KIAA0513: variants seen among roughly 807,000 people sequenced by gnomAD.
KIAA0513 encodes the protein KIAA0513.
In KIAA0513, 39 loss-of-function variants were observed where a neutral mutation model predicts 56.5. That is an observed-to-expected ratio of 0.69 (90% confidence interval 0.53 to 0.90). The LOEUF is 0.90. Ranked by LOEUF, KIAA0513 falls within the 40% of genes least tolerant of loss-of-function variation. The pLI is 0.00. For synonymous variants in KIAA0513, 268 were observed against 215.6 expected, an observed-to-expected ratio of 1.24 and a Z score of -2.13; for missense variants, 591 against 535.2, an observed-to-expected ratio of 1.10 and a Z score of -1.03.
chr16:85,034,424 G>T (rs946189997), intron 1 of KIAA0513, among the ~76,000 whole-genome samples: 2 of 152,132 alleles, frequency 1.3e-5, no homozygotes, highest in African/African-American at 4.8e-5. Flanking sequence ...CTGTACTCCT[G>T]CCAAGGAGTT....
chr16:85,046,719 G>A (rs146786470), intron 1 of KIAA0513, among the ~76,000 whole-genome samples: 20 of 152,270 alleles, frequency 1.3e-4, no homozygotes, highest in East Asian at 9.7e-4. Flanking sequence ...TCATTCTGCC[G>A]TTGAGCCTAT....
At chr16:85,029,233 AGAGATGAAGATG>A (rs1306809099) in intron 1 of KIAA0513, among the ~76,000 whole-genome samples, 1 of 152,200 alleles carries the variant, frequency 6.6e-6, no homozygotes, top group Non-Finnish European at 1.5e-5. Flanking sequence ...TTTCCATTAA[AGAGATGAAGATG>A]GCGTGGGACT....
chr16:85,046,816 G>A (rs1478390355), intron 1 of KIAA0513, among the ~76,000 whole-genome samples: 2 of 152,108 alleles, frequency 1.3e-5, no homozygotes, highest in Non-Finnish European at 2.9e-5. Context: ...TTTCTTTCCT[G>A]AGACTTCTCA....
chr16:85,040,277 GAGGCCAGGAGTGCCCC>G (rs984853627), intron 1 of KIAA0513, among the ~76,000 whole-genome samples: 5 of 152,228 alleles, frequency 3.3e-5, no homozygotes, highest in African/African-American at 1.2e-4. Context: ...CTAGCGAGTG[GAGGCCAGGAGTGCCCC>G]AAGCATCCTA....
chr16:85,044,035 G>GA (rs1301018996), intron 1 of KIAA0513, among the ~76,000 whole-genome samples: 3 of 151,656 alleles, frequency 2.0e-5, no homozygotes, highest in Non-Finnish European at 2.9e-5. Context: ...AGTCTCAAGA[G>GA]AAAAAAAAGA....
intron 1 of KIAA0513, among the ~76,000 whole-genome samples, chr16:85,032,660 T>G (rs149532284): frequency 1.3e-5 from 2 of 151,962 alleles, no homozygotes; most frequent in Non-Finnish European, 2.9e-5. Context: ...AGACAGAGTT[T>G]CAGTCTGTCG....
chr16:85,044,485 A>G (rs2073144478), intron 1 of KIAA0513, among the ~76,000 whole-genome samples: 1 of 151,686 alleles, frequency 6.6e-6, no homozygotes, highest in Admixed American at 6.6e-5. Flanking sequence ...ACCACCACAA[A>G]GTAATGCTCC....
At position 85,070,650 on chromosome 16, in the gene KIAA0513, C is replaced by T. The variant is rs190039130; in HGVS notation, c.330-1133C>T. Among the ~76,000 whole-genome samples, 22 of 152,340 alleles carry T rather than the reference C, an allele frequency of 1.4e-4. No homozygotes were observed. In the East Asian group the frequency reaches 4.2e-3, roughly 29 times the overall value. On this transcript the variant is annotated intron_variant, in intron 2 of 12. Coordinates refer to ENST00000683363, the MANE Select transcript of KIAA0513 (RefSeq NM_001388359.1). ...CTGAGATTGCGCCACTGCACTCCAG[C>T]CTGCGCAAGACAGAGCGAGACTCCG...
chr16:85,055,284 C>G (rs2073312814), intron 1 of KIAA0513, among the ~76,000 whole-genome samples: 1 of 152,084 alleles, frequency 6.6e-6, no homozygotes, highest in South Asian at 2.1e-4. Flanking sequence ...AGTGTCCACT[C>G]TTGTCTCTAG....
At chr16:85,078,514 C>T (rs1355019188) in intron 7 of KIAA0513, 59 bp downstream of exon 7, 2 of 1,534,754 alleles carry the variant, frequency 1.3e-6, no homozygotes, top group South Asian at 2.3e-5. Flanking sequence ...AGCCAGCACA[C>T]AAGCAGGTGC....
intron 1 of KIAA0513, among the ~76,000 whole-genome samples, chr16:85,046,659 G>A (rs2073175239): frequency 6.6e-6 from 1 of 152,244 alleles, no homozygotes; most frequent in South Asian, 2.1e-4. Context: ...CAGGAAGGGT[G>A]TGCAGCCCAG....
chr16:85,060,246 C>T lies in KIAA0513; in HGVS notation c.-172-6654C>T, dbSNP rs148367802. On this transcript the variant is annotated intron_variant, in intron 1 of 12. Coordinates refer to ENST00000683363, the MANE Select transcript of KIAA0513 (RefSeq NM_001388359.1). The stretch of plus-strand genomic sequence containing the variant: ...AAAGTGTTGGGATTACAGGCGTGAG[C>T]CACTGTGCCCGGCTTTCTTAGGTTG... Among the ~76,000 whole-genome samples the T allele has an allele frequency of 8.1e-4, 123 of 152,312 alleles. 1 individual carries two copies. The highest frequency in any genetic ancestry group is 1.4e-3 in the Non-Finnish European group (93 of 68,026).
At position 85,068,331 on chromosome 16, in the gene KIAA0513, A is replaced by AT. The variant is rs1382068679; in HGVS notation, c.329+939dup. 5.8e-5 allele frequency among the ~76,000 whole-genome samples: 8 copies of AT among 138,668 alleles called. No individual in the cohort carries two copies. The South Asian group carries it at 6.9e-4, about 12-fold the overall frequency. The allele number at this position is 138,668 out of a possible 152,430, so 91.0% of individuals were successfully genotyped here. On this transcript the variant is annotated intron_variant, in intron 2 of 12. Transcript: ENST00000683363. Reference sequence around the variant, plus strand: ...ACCACCACGCCTGGCTAATTTTTGTATTTTTTTTGTTTTTTTTTTGAGACA... The same window carrying AT: ...ACCACCACGCCTGGCTAATTTTTGTATTTTTTTTTGTTTTTTTTTTGAGACA...
At chr16:85,050,595 C>T (rs184260573) in intron 1 of KIAA0513, among the ~76,000 whole-genome samples, 31 of 152,282 alleles carry the variant, frequency 2.0e-4, no homozygotes, top group African/African-American at 7.5e-4. Context: ...GGATTACAGG[C>T]GTGAGCCGCC....
chr16:85,082,642 C>T (rs1263130960), intron 10 of KIAA0513, 49 bp downstream of exon 10: 13 of 1,588,846 alleles, frequency 8.2e-6, no homozygotes, highest in African/African-American at 6.7e-5. Context: ...CGGGCTCCTG[C>T]GAAGGCCACT....
intron 1 of KIAA0513, among the ~76,000 whole-genome samples, chr16:85,030,133 G>A (rs1463731981): frequency 6.6e-6 from 1 of 152,164 alleles, no homozygotes; most frequent in African/African-American, 2.4e-5. Context: ...GCACCCCTGC[G>A]CCCGCCCCAA....
intron 1 of KIAA0513, among the ~76,000 whole-genome samples, chr16:85,030,973 T>A (rs915658664): frequency 6.6e-6 from 1 of 151,136 alleles, no homozygotes; most frequent in Non-Finnish European, 1.5e-5. Flanking sequence ...CAGGTGATAG[T>A]TCCAATCTAC....
chr16:85,093,214 C>G lies in KIAA0513; in HGVS notation c.*4889C>G, dbSNP rs1033039308. 5 of 131,986 alleles carry G rather than the reference C, an allele frequency of 3.8e-5. No individual in the cohort carries two copies. Among genetic ancestry groups the G allele is most frequent in the Non-Finnish European group, 6.3e-5 (4 of 63,548 alleles). The allele number at this position is 131,986 out of a possible 1,614,324, so 8.2% of individuals were successfully genotyped here. A position where few individuals can be genotyped will look rare whatever the true frequency, so the allele number is the denominator to read the frequency against. ...GCCTGTAGCTGTGCCTGGGGATGCA[C>G]GTGGCCACGGGATTTCAGTGGGACA... is the stretch of plus-strand genomic sequence containing the variant. On this transcript the variant is annotated 3_prime_UTR_variant, in exon 13 of 13. Coordinates refer to ENST00000683363, the MANE Select transcript of KIAA0513 (RefSeq NM_001388359.1).
chr16:85,055,831 T>G (rs564976622), intron 1 of KIAA0513, among the ~76,000 whole-genome samples: 2 of 152,256 alleles, frequency 1.3e-5, no homozygotes, highest in East Asian at 3.9e-4. Flanking sequence ...AGCCTGTGAG[T>G]TGTAATTCAT....
Sources: gnomAD v4.1 joint callset for allele counts (sites outside exome capture counted in the v4.1 genomes callset) on GRCh38, gnomAD v4.1.1 for gene constraint, MANE v1.5 for transcripts, NCBI Gene and HGNC (gene_info 2026-07-23, HGNC 2026-07-21) for gene names.